The following PACS1 variants were observed in gnomAD, a reference collection of about 807,000 sequenced individuals.
PACS1 encodes phosphofurin acidic cluster sorting protein 1.
Under a neutral mutation model 115.0 loss-of-function variants are expected in PACS1, and 24 were observed. That is an observed-to-expected ratio of 0.21 (90% confidence interval 0.15 to 0.29). The LOEUF (loss-of-function observed/expected upper bound fraction) is 0.29. Among genes scored for constraint, PACS1 ranks in the 10% least tolerant of loss-of-function variants. The probability of loss-of-function intolerance (pLI) is 1.00; values close to 1 mark genes in which losing one functional copy is unlikely to be tolerated. For missense variants in PACS1, 838 were observed against 1,251.2 expected, an observed-to-expected ratio of 0.67 and a Z score of 4.98; for synonymous variants, 453 against 504.5, an observed-to-expected ratio of 0.90 and a Z score of 1.37.
intron 1 of PACS1, among the ~76,000 whole-genome samples, chr11:66,089,863 G>A (rs1236067279): frequency 6.6e-6 from 1 of 151,966 alleles, no homozygotes; most frequent in African/African-American, 2.4e-5. Context: ...AAAATTAGCT[G>A]GGTGTGGTGG....
At chr11:66,106,762 A>C (rs1263931998) in intron 1 of PACS1, among the ~76,000 whole-genome samples, 1 of 151,798 alleles carries the variant, frequency 6.6e-6, no homozygotes, top group Non-Finnish European at 1.5e-5. Context: ...CCTGTCTCAG[A>C]GAAAAAAAAA....
chr11:66,136,949 G>T (rs964646079), intron 1 of PACS1, among the ~76,000 whole-genome samples: 2 of 151,096 alleles, frequency 1.3e-5, no homozygotes, highest in African/African-American at 4.9e-5. Context: ...CTCTTGGCTT[G>T]TTGGGCTTTT....
At chr11:66,202,472 C>T (rs1854823031) in intron 2 of PACS1, among the ~76,000 whole-genome samples, 1 of 151,976 alleles carries the variant, frequency 6.6e-6, no homozygotes, top group African/African-American at 2.4e-5. Context: ...ACATTAAAAA[C>T]ATCATTCATC....
chr11:66,220,393 T>C, intron 8 of PACS1: 1 of 522,870 alleles, frequency 1.9e-6, no homozygotes, highest in South Asian at 2.4e-5. Context: ...CAGCTGTCCC[T>C]CCTGGCACAG....
chr11:66,171,621 C>G (rs934995832), intron 1 of PACS1, among the ~76,000 whole-genome samples: 1 of 149,686 alleles, frequency 6.7e-6, no homozygotes, highest in Non-Finnish European at 1.5e-5. Context: ...GCTCTGTCGC[C>G]CAGGCTGGAG....
chr11:66,185,312 G>A (rs1385788632), intron 1 of PACS1, among the ~76,000 whole-genome samples: 7 of 152,168 alleles, frequency 4.6e-5, no homozygotes, highest in Non-Finnish European at 7.4e-5. Flanking sequence ...TTTCTCAGCT[G>A]AGTAACGTGG....
At chr11:66,222,635 C>T (rs1267208400) in intron 10 of PACS1, among the ~76,000 whole-genome samples, 1 of 152,174 alleles carries the variant, frequency 6.6e-6, no homozygotes, top group African/African-American at 2.4e-5. Context: ...TTAAGTCCTC[C>T]TGTTCACCTG....
intron 1 of PACS1, chr11:66,100,888 G>A: frequency 2.2e-6 from 1 of 456,260 alleles, no homozygotes; most frequent in Non-Finnish European, 4.4e-6. Flanking sequence ...CGGTGGCTGG[G>A]TTCCAAGGGC....
chr11:66,135,065 G>C lies in PACS1; in HGVS notation c.357-58421G>C, dbSNP rs1427783844. Among the ~76,000 whole-genome samples, 12 of 151,980 alleles carry C rather than the reference G, an allele frequency of 7.9e-5. No homozygotes were observed. The East Asian group carries it at 2.3e-3, about 29-fold the overall frequency. On this transcript the variant is annotated intron_variant, in intron 1 of 23. Transcript: ENST00000320580. ...GTCTCTACTAAAAATACAAAAATTA[G>C]CCAGGTGTGGTGCTACTCCAGCTAC...
At chr11:66,211,811 T>C (rs1855077193) in intron 4 of PACS1, among the ~76,000 whole-genome samples, 1 of 152,234 alleles carries the variant, frequency 6.6e-6, no homozygotes, top group African/African-American at 2.4e-5. Flanking sequence ...GTGCTGAGTG[T>C]CTCAGTGATA....
At chr11:66,099,125 C>T in intron 1 of PACS1, among the ~76,000 whole-genome samples, 1 of 152,178 alleles carries the variant, frequency 6.6e-6, no homozygotes, top group Non-Finnish European at 1.5e-5. Flanking sequence ...CTCACTGCAA[C>T]CTCCGCCTCC....
chr11:66,212,407 C>T (rs1855096391), intron 4 of PACS1, among the ~76,000 whole-genome samples: 1 of 150,920 alleles, frequency 6.6e-6, no homozygotes, highest in South Asian at 2.1e-4. Flanking sequence ...GCTGAGATTA[C>T]AGGCATGAGC....
At chr11:66,140,758 A>C (rs1486615756) in intron 1 of PACS1, among the ~76,000 whole-genome samples, 2 of 152,244 alleles carry the variant, frequency 1.3e-5, no homozygotes, top group East Asian at 3.9e-4. Flanking sequence ...ACAAGCAAAC[A>C]TAAATTTATT....
At chr11:66,094,252 C>T (rs1274826613) in intron 1 of PACS1, among the ~76,000 whole-genome samples, 1 of 150,810 alleles carries the variant, frequency 6.6e-6, no homozygotes, top group Non-Finnish European at 1.5e-5. Flanking sequence ...TTAATGAATC[C>T]AGGAGCTGGT....
chr11:66,073,436 A>C (rs1857344084), intron 1 of PACS1, among the ~76,000 whole-genome samples: 1 of 152,236 alleles, frequency 6.6e-6, no homozygotes, highest in Non-Finnish European at 1.5e-5. Flanking sequence ...TTAGGTGTGC[A>C]TAAGAATGTC....
At chr11:66,207,051 C>T (rs1383836356) in intron 2 of PACS1, among the ~76,000 whole-genome samples, 3 of 152,216 alleles carry the variant, frequency 2.0e-5, no homozygotes, top group Non-Finnish European at 2.9e-5. Context: ...TCTGTGTCCC[C>T]ACTGTTTCCC....
intron 1 of PACS1, among the ~76,000 whole-genome samples, chr11:66,160,128 T>C (rs2134623730): frequency 6.6e-6 from 1 of 152,320 alleles, no homozygotes; most frequent in South Asian, 2.1e-4. Flanking sequence ...ATGGTCTCTG[T>C]TCTTCAACAC....
At chr11:66,175,863 A>G (rs751754005) in intron 1 of PACS1, among the ~76,000 whole-genome samples, 3 of 152,104 alleles carry the variant, frequency 2.0e-5, no homozygotes, top group Non-Finnish European at 4.4e-5. Flanking sequence ...GAAATATCAC[A>G]GGGTTGATTC....
chr11:66,220,745 A>G lies in PACS1; in HGVS notation c.1153A>G (p.Met385Val), dbSNP rs879589388. 1.2e-6 allele frequency: 2 copies of G among 1,614,068 alleles called. No homozygotes were observed. Among genetic ancestry groups the G allele is most frequent in the Non-Finnish European group, 1.7e-6 (2 of 1,179,992 alleles). ...MYNPSDSGPE[M>V]EETESILSTP... ...CAACCCCAGCGACAGTGGCCCTGAG[A>G]TGGAGGAGACAGAAAGCATCCTCAG... is the stretch of plus-strand genomic sequence containing the variant. The change falls in exon 9 of 24, where the codon ATG (methionine) becomes GTG (valine). Residue 385 changes from methionine (M) to valine (V), a missense_variant. Physicochemically the swap from Met to Val is conservative, Grantham distance 21 (BLOSUM62 1). This residue lies in a region of PACS1 where 223 missense variants were observed against 354.0 expected (regional missense o/e 0.63). Coordinates refer to ENST00000320580, the MANE Select transcript of PACS1 (RefSeq NM_018026.4).
Sources: gnomAD v4.1 joint callset for allele counts (sites outside exome capture counted in the v4.1 genomes callset) on GRCh38, gnomAD v4.1.1 for gene constraint, gnomAD v4.1.1 regional missense constraint, MANE v1.5 for transcripts, NCBI Gene and HGNC (gene_info 2026-07-23, HGNC 2026-07-21) for gene names.